LVRN: variants seen among roughly 807,000 people sequenced by gnomAD.
LVRN encodes the protein aminopeptidase Q.
LVRN carries 99 observed loss-of-function variants against 111.4 expected under a neutral mutation model. The observed-to-expected ratio is 0.89, with a 90% confidence interval of 0.76 to 1.05. The LOEUF is 1.05. Among genes scored for constraint, LVRN ranks in the 50% least tolerant of loss-of-function variants. The pLI, the probability that LVRN is intolerant of heterozygous loss-of-function variation, is 0.00. For missense variants in LVRN, 1,414 were observed against 1,206.8 expected (o/e 1.17, Z -2.54); for synonymous variants, 488 against 449.5 (o/e 1.09, Z -1.08).
chr5:115,979,156 T>G (rs1282850938), intron 1 of LVRN, among the ~76,000 whole-genome samples: 1 of 152,086 alleles, frequency 6.6e-6, no homozygotes, highest in Non-Finnish European at 1.5e-5. Flanking sequence ...TTGCAAGGAA[T>G]GCTCATGCTT....
chr5:115,972,526 A>T (rs1159631569), intron 1 of LVRN, among the ~76,000 whole-genome samples: 4 of 151,936 alleles, frequency 2.6e-5, no homozygotes, highest in Admixed American at 1.3e-4. Flanking sequence ...ATAGGTTGTC[A>T]TACTGTCTTG....
chr5:115,964,959 C>G (rs1753171607), intron 1 of LVRN, among the ~76,000 whole-genome samples: 1 of 152,178 alleles, frequency 6.6e-6, no homozygotes, highest in African/African-American at 2.4e-5. Context: ...GAACCTGCAA[C>G]AGAAGGATGG....
chr5:115,986,430 G>T (rs932738256), intron 3 of LVRN, among the ~76,000 whole-genome samples: 2 of 152,072 alleles, frequency 1.3e-5, no homozygotes, highest in African/African-American at 4.8e-5. Flanking sequence ...GGATGATATC[G>T]ATTTATCTGT....
At chr5:116,000,553 C>T (rs760167074) in intron 8 of LVRN, 40 bp from the exon 9 acceptor site, 1 of 1,611,530 alleles carries the variant, frequency 6.2e-7, no homozygotes, top group Non-Finnish European at 8.5e-7. Flanking sequence ...ATTCCATTGG[C>T]ATGCTATTTA....
chr5:116,008,624 C>T (rs1580395844), intron 13 of LVRN, among the ~76,000 whole-genome samples: 1 of 150,420 alleles, frequency 6.6e-6, no homozygotes, highest in East Asian at 2.0e-4. Flanking sequence ...AAAAGTGAAA[C>T]AGCCTTATTG....
chr5:115,992,026 T>C (rs75211624), intron 4 of LVRN, 97 bp from the exon 5 acceptor site: 2 of 1,197,230 alleles, frequency 1.7e-6, no homozygotes, highest in East Asian at 4.9e-5. Flanking sequence ...TTCCCTTGAA[T>C]TTTTTGGTAA....
chr5:115,981,729 A>G (rs918194260), intron 1 of LVRN, among the ~76,000 whole-genome samples: 5 of 151,992 alleles, frequency 3.3e-5, no homozygotes, highest in African/African-American at 9.7e-5. Context: ...ACCTCCCCCA[A>G]CCCTGGGACT....
intron 16 of LVRN, 53 bp from the exon 17 acceptor site, chr5:116,015,199 C>G: frequency 1.2e-6 from 1 of 816,832 alleles, no homozygotes; most frequent in Non-Finnish European, 1.7e-6. Context: ...AATATGATAA[C>G]CTGGGTAAAC....
intron 1 of LVRN, chr5:115,975,132 A>G (rs778472657): frequency 1.4e-5 from 6 of 419,948 alleles, no homozygotes; most frequent in Non-Finnish European, 2.3e-5. Context: ...TTCAAATAAG[A>G]TTGTATGAGT....
chr5:115,988,707 C>G (rs953736616), intron 4 of LVRN, among the ~76,000 whole-genome samples: 5 of 152,076 alleles, frequency 3.3e-5, no homozygotes, highest in African/African-American at 1.2e-4. Context: ...GCCAGGGTCT[C>G]TGCAGCTTGA....
At chr5:116,004,178 G>T (rs188179885) in intron 12 of LVRN, among the ~76,000 whole-genome samples, 4 of 152,282 alleles carry the variant, frequency 2.6e-5, no homozygotes, top group Admixed American at 2.6e-4. Flanking sequence ...TCCTTCAGAA[G>T]AGAGAAGTTA....
intron 15 of LVRN, 44 bp from the exon 16 acceptor site, chr5:116,014,376 T>C (rs1748555105): frequency 2.3e-6 from 3 of 1,332,772 alleles, no homozygotes; most frequent in East Asian, 2.3e-5. Context: ...AAAATGAAGG[T>C]GGTAATGCAA....
intron 6 of LVRN, among the ~76,000 whole-genome samples, chr5:115,996,718 A>G (rs1236441940): frequency 1.3e-5 from 2 of 152,166 alleles, no homozygotes; most frequent in Non-Finnish European, 2.9e-5. Context: ...TGGCCCTGAC[A>G]TTGCCACTCA....
At chr5:116,010,922 TTAAA>T (rs1748475927) in intron 14 of LVRN, 28 bp downstream of exon 14, 2 of 1,491,760 alleles carry the variant, frequency 1.3e-6, no homozygotes, top group African/African-American at 1.4e-5. Flanking sequence ...TATGTAGTTT[TTAAA>T]TAAATCCTCT....
At position 116,026,524 on chromosome 5, in the gene LVRN, A is replaced by G. The variant is rs116766765; in HGVS notation, c.*406A>G. 2,528 of 233,244 alleles carry G rather than the reference A, an allele frequency of 0.011. 86 individuals carry two copies. Among genetic ancestry groups the G allele is most frequent in the African/African-American group, 0.056 (2,393 of 42,440 alleles). The allele number at this position is 233,244 out of a possible 1,614,324, so 14.4% of individuals were successfully genotyped here. A position where few individuals can be genotyped will look rare whatever the true frequency, so the allele number is the denominator to read the frequency against. ...TTTTTCCAGGCCCTAGGGTTTATTT[A>G]GTTCAACATTGAAGATTGAAAAGAC... On this transcript the variant is annotated 3_prime_UTR_variant, in exon 20 of 20. Transcript: ENST00000357872.
chr5:116,017,584 A>G (rs1257814081), intron 18 of LVRN, among the ~76,000 whole-genome samples: 1 of 152,202 alleles, frequency 6.6e-6, no homozygotes, highest in African/African-American at 2.4e-5. Flanking sequence ...GATATATGGT[A>G]TGTCAAAGAG....
intron 1 of LVRN, among the ~76,000 whole-genome samples, chr5:115,968,831 G>A (rs558081300): frequency 6.6e-6 from 1 of 152,322 alleles, no homozygotes. Flanking sequence ...AAGTGTGACT[G>A]AGAAAGGAAG....
chr5:116,000,605 A>T lies in LVRN; in HGVS notation c.1594A>T (p.Thr532Ser). Residue 532 changes from threonine to serine, a missense_variant, in exon 9 of 20, where the codon ACA (threonine) becomes TCA (serine). Thr to Ser is a moderately conservative substitution (Grantham distance 58). Transcript: ENST00000357872. ...TCTATTTTTACAGTCATATTTGAAG[A>T]CATTTTCCTACTCAAACGCTGAGCA... ...FVSALKSYLK[T>S]FSYSNAEQDD... The T allele has an allele frequency of 2.5e-6, 4 of 1,614,022 alleles. No homozygotes were observed. The highest frequency in any genetic ancestry group is 3.4e-6 in the Non-Finnish European group (4 of 1,179,924).
intron 18 of LVRN, among the ~76,000 whole-genome samples, chr5:116,019,276 A>G (rs998784494): frequency 6.6e-6 from 1 of 152,236 alleles, no homozygotes. Context: ...AATGACTATG[A>G]CATTGCTAGG....
Sources: gnomAD v4.1 joint callset for allele counts (sites outside exome capture counted in the v4.1 genomes callset) on GRCh38, gnomAD v4.1.1 for gene constraint, MANE v1.5 for transcripts, NCBI Gene and HGNC (gene_info 2026-07-23, HGNC 2026-07-21) for gene names.